CBFA2T3: variants seen among roughly 807,000 people sequenced by gnomAD.
CBFA2T3 encodes CBFA2/RUNX1 partner transcriptional co-repressor 3, also known as transcriptional corepressor CBFA2T3.
Under a neutral mutation model 58.6 loss-of-function variants are expected in CBFA2T3, and 31 were observed. The observed-to-expected ratio is 0.53, with a 90% CI of 0.40 to 0.71. The LOEUF (loss-of-function observed/expected upper bound fraction) is 0.71. CBFA2T3 is among the 30% of genes least tolerant of loss of function. CBFA2T3 has a pLI of 0.00. For synonymous variants in CBFA2T3, 531 were observed against 421.9 expected, an observed-to-expected ratio of 1.26 and a Z score of -3.17; for missense variants, 1,076 against 963.1, an observed-to-expected ratio of 1.12 and a Z score of -1.55.
chr16:88,895,891 TCA>T (rs942328188), intron 3 of CBFA2T3, among the ~76,000 whole-genome samples: 2 of 152,088 alleles, frequency 1.3e-5, no homozygotes, highest in Non-Finnish European at 2.9e-5. Context: ...GCGCCTAGCC[TCA>T]GTTTCTTCAT....
At chr16:88,952,634 C>A (rs568064567) in intron 1 of CBFA2T3, among the ~76,000 whole-genome samples, 1 of 152,254 alleles carries the variant, frequency 6.6e-6, no homozygotes, top group Non-Finnish European at 1.5e-5. Context: ...ACACACCGCT[C>A]CCCTGCCCAG....
At position 88,881,449 on chromosome 16, in the gene CBFA2T3, C is replaced by G. The variant is rs1210065016; in HGVS notation, c.1244G>C (p.Arg415Pro). ...GCACCTGCGCAGCACCGTGAGCGAG[C>G]GCCGCGTCTTCTCCACCATGTCCAT... is the stretch of plus-strand genomic sequence containing the variant. ...CIMDMVEKTR[R>P]SLTVLRRCQE... Residue 415 changes from arginine to proline, a missense_variant, in exon 9 of 12, where the codon CGC becomes CCC. Coordinates refer to ENST00000268679, the MANE Select transcript of CBFA2T3 (RefSeq NM_005187.6). The G allele has an allele frequency of 8.7e-6, 14 of 1,609,638 alleles. No individual in the cohort carries two copies. The highest frequency in any genetic ancestry group is 1.2e-5 in the Non-Finnish European group (14 of 1,178,336).
chr16:88,879,580 T>C, intron 10 of CBFA2T3, 120 bp from the exon 11 acceptor site: 1 of 850,156 alleles, frequency 1.2e-6, no homozygotes, highest in Non-Finnish European at 1.9e-6. Flanking sequence ...ACACGTACCA[T>C]CTGTGCACAC....
intron 1 of CBFA2T3, among the ~76,000 whole-genome samples, chr16:88,908,377 C>T (rs2142684932): frequency 6.6e-6 from 1 of 152,182 alleles, no homozygotes; most frequent in East Asian, 1.9e-4. Flanking sequence ...AGAAAATTCC[C>T]AGACCCTGGA....
chr16:88,941,156 C>G, intron 1 of CBFA2T3: 2 of 983,748 alleles, frequency 2.0e-6, no homozygotes, highest in Non-Finnish European at 2.4e-6. Flanking sequence ...TGGCGCCGCA[C>G]CGGGCTCAGG....
chr16:88,880,895 C>A (rs556778113), intron 9 of CBFA2T3, 107 bp from the exon 10 acceptor site: 4 of 1,072,256 alleles, frequency 3.7e-6, no homozygotes, highest in South Asian at 2.8e-5. Flanking sequence ...TGAGTGTGTG[C>A]GTCCCTGGGG....
chr16:88,914,108 A>G (rs73254257), intron 1 of CBFA2T3, among the ~76,000 whole-genome samples: 5,290 of 152,312 alleles, frequency 0.035, 169 homozygotes, highest in African/African-American at 0.081. Context: ...CACCAAGTAC[A>G]ACACTGCACA....
chr16:88,890,702 CTTCA>C (rs58270745), intron 5 of CBFA2T3, among the ~76,000 whole-genome samples: 1,801 of 151,358 alleles, frequency 0.012, 12 homozygotes, highest in African/African-American at 0.018. Flanking sequence ...GAATCACTGG[CTTCA>C]TTCATTCATT....
chr16:88,932,642 G>A (rs1172872450), intron 1 of CBFA2T3, among the ~76,000 whole-genome samples: 1 of 150,036 alleles, frequency 6.7e-6, no homozygotes, highest in Non-Finnish European at 1.5e-5. Context: ...GGGAGACCCC[G>A]ACTATAAGTA....
At chr16:88,901,122 C>G (rs546852070) in intron 2 of CBFA2T3, among the ~76,000 whole-genome samples, 403 of 152,396 alleles carry the variant, frequency 2.6e-3, no homozygotes, top group African/African-American at 8.9e-3. Context: ...CACGTTCTCT[C>G]TGGATGAGCC....
rs373194442 is a variant in CBFA2T3, at chr16:88,892,021, C to A, written c.622-50G>T. On this transcript the variant is annotated intron_variant, in intron 4 of 11. Transcript: ENST00000268679. Reference sequence around the variant, plus strand: ...CATCAGCACCGCTCGGCATGTGAGCCAGCGCCGACCCACCCATGCCTGAGG... The same window carrying A: ...CATCAGCACCGCTCGGCATGTGAGCAAGCGCCGACCCACCCATGCCTGAGG... The A allele has an allele frequency of 1.9e-5, 29 of 1,496,928 alleles. 1 individual carries two copies. Among genetic ancestry groups the A allele is most frequent in the South Asian group, 2.3e-5 (2 of 87,774 alleles). The allele number at this position is 1,496,928 out of a possible 1,614,324, so 92.7% of individuals were successfully genotyped here.
chr16:88,924,192 C>A (rs72815515), intron 1 of CBFA2T3, among the ~76,000 whole-genome samples: 1,528 of 152,266 alleles, frequency 0.01, 14 homozygotes, highest in Non-Finnish European at 0.016. Flanking sequence ...GCTACACCTG[C>A]TGGGCTGAGT....
At chr16:88,893,091 T>G (rs1739482903) in intron 3 of CBFA2T3, among the ~76,000 whole-genome samples, 1 of 151,934 alleles carries the variant, frequency 6.6e-6, no homozygotes, top group Non-Finnish European at 1.5e-5. Context: ...AAGTCGCTCA[T>G]CCCCCGAAAG....
Position 88,963,080 on chromosome 16 carries a change from G to A in CBFA2T3, c.151+13577C>T, listed in dbSNP as rs142901305. On this transcript the variant is annotated intron_variant, in intron 1 of 11. Transcript: ENST00000268679. ...AGTGCCAGGGGCCCTGGGCAGATGC[G>A]TAGCTGGGCCTGGCAGGATGCTGGG... 3.1e-3 allele frequency among the ~76,000 whole-genome samples: 465 copies of A among 152,288 alleles called. 5 individuals carry two copies. Among genetic ancestry groups the A allele is most frequent in the East Asian group, 0.023 (120 of 5,166 alleles).
chr16:88,968,267 G>C (rs143760364), intron 1 of CBFA2T3, among the ~76,000 whole-genome samples: 1,990 of 152,326 alleles, frequency 0.013, 22 homozygotes, highest in Non-Finnish European at 0.023. Context: ...GAGGGGCTCA[G>C]TAGGGAGGGG....
chr16:88,895,849 C>T (rs756368599), intron 3 of CBFA2T3, among the ~76,000 whole-genome samples: 4 of 152,216 alleles, frequency 2.6e-5, no homozygotes, highest in Non-Finnish European at 4.4e-5. Context: ...GACCGGCCGC[C>T]AGGCCCAGAC....
chr16:88,923,083 A>G (rs1970973621), intron 1 of CBFA2T3, among the ~76,000 whole-genome samples: 1 of 151,786 alleles, frequency 6.6e-6, no homozygotes, highest in Non-Finnish European at 1.5e-5. Flanking sequence ...CCCTCCAAAT[A>G]CCCCACGTCT....
chr16:88,875,072 C>T lies in CBFA2T3; in HGVS notation c.*1904G>A, dbSNP rs908426030. On this transcript the variant is annotated 3_prime_UTR_variant, in exon 12 of 12. Transcript: ENST00000268679. ...AGCCACGCACACAGATGCCAGGCCACGGGCCACGCCACGCGCACAGATGCC... is the reference window on the plus strand; with the variant it reads ...AGCCACGCACACAGATGCCAGGCCATGGGCCACGCCACGCGCACAGATGCC... 14 of 234,810 alleles carry T rather than the reference C, an allele frequency of 6.0e-5. No homozygotes were observed. Among genetic ancestry groups the T allele is most frequent in the African/African-American group, 8.9e-5 (4 of 44,972 alleles). The allele number at this position is 234,810 out of a possible 1,614,324, so 14.5% of individuals were successfully genotyped here.
intron 1 of CBFA2T3, among the ~76,000 whole-genome samples, chr16:88,972,058 G>A (rs1972669519): frequency 6.6e-6 from 1 of 152,220 alleles, no homozygotes; most frequent in African/African-American, 2.4e-5. Flanking sequence ...CCTAGGCACC[G>A]CCCCTGTCTT....
Sources: allele counts gnomAD v4.1 joint callset (sites outside exome capture counted in the v4.1 genomes callset), GRCh38; gene constraint gnomAD v4.1.1; transcripts MANE v1.5; gene names NCBI Gene and HGNC (gene_info 2026-07-23, HGNC 2026-07-21).